The following GNB1L variants were observed in gnomAD, a reference collection of about 807,000 sequenced individuals.
GNB1L encodes G protein subunit beta 1 like.
A neutral mutation model predicts 29.1 loss-of-function variants in GNB1L; 20 were observed. The ratio of observed to expected loss-of-function variants is 0.69; its 90% confidence interval spans 0.48 to 1.00. The LOEUF is 1.00. GNB1L is among the 50% of genes least tolerant of loss of function. The probability of loss-of-function intolerance (pLI) is 0.00; values close to 1 mark genes in which losing one functional copy is unlikely to be tolerated. For synonymous variants in GNB1L, 193 were observed against 206.5 expected (o/e 0.93, Z 0.56); for missense variants, 421 against 464.9 (o/e 0.91, Z 0.87).
At chr22:19,813,900 G>A (rs1346662017) in intron 4 of GNB1L, among the ~76,000 whole-genome samples, 1 of 152,114 alleles carries the variant, frequency 6.6e-6, no homozygotes, top group African/African-American at 2.4e-5. Context: ...GGAGGCTTAG[G>A]TGGGAGGATT....
intron 4 of GNB1L, among the ~76,000 whole-genome samples, chr22:19,815,702 C>T (rs1937521323): frequency 6.6e-6 from 1 of 152,124 alleles, no homozygotes; most frequent in African/African-American, 2.4e-5. Context: ...CCACTTCAGC[C>T]TCCCAAGTAG....
At chr22:19,838,909 G>A (rs1937810586) in intron 2 of GNB1L, among the ~76,000 whole-genome samples, 1 of 152,224 alleles carries the variant, frequency 6.6e-6, no homozygotes, top group African/African-American at 2.4e-5. Context: ...AAACAGAAAT[G>A]TGAAAACTAT....
At chr22:19,835,373 T>TAA (rs34652133) in intron 2 of GNB1L, among the ~76,000 whole-genome samples, 22 of 136,312 alleles carry the variant, frequency 1.6e-4, no homozygotes, top group South Asian at 6.8e-4. Flanking sequence ...CTTAAAAATG[T>TAA]AAAAAAAAAA....
At position 19,806,802 on chromosome 22, in the gene GNB1L, G is replaced by C. The variant is rs1601327723; in HGVS notation, c.418-45C>G. 2.3e-6 allele frequency: 3 copies of C among 1,309,010 alleles called. No homozygotes were observed. The East Asian group carries it at 7.0e-5, about 30-fold the overall frequency. The allele number at this position is 1,309,010 out of a possible 1,614,324, so 81.1% of individuals were successfully genotyped here. A position where few individuals can be genotyped will look rare whatever the true frequency, so the allele number is the denominator to read the frequency against. On this transcript the variant is annotated intron_variant, in intron 5 of 7. Coordinates refer to ENST00000329517, the MANE Select transcript of GNB1L (RefSeq NM_053004.3). ...TTGATTTGGGCCGTCGCCAAGTCGAGTCTGCGCTATACAAACAAGAGACTC... is the reference window on the plus strand; with the variant it reads ...TTGATTTGGGCCGTCGCCAAGTCGACTCTGCGCTATACAAACAAGAGACTC...
intron 2 of GNB1L, among the ~76,000 whole-genome samples, 200 bp from the exon 3 acceptor site, chr22:19,821,575 C>T (rs1005753363): frequency 5.3e-5 from 8 of 152,198 alleles, no homozygotes; most frequent in Admixed American, 1.3e-4. Context: ...CCCTGCACGG[C>T]GGTGAGCCCA....
intron 2 of GNB1L, chr22:19,851,795 G>A: frequency 1.2e-6 from 2 of 1,614,060 alleles, no homozygotes; most frequent in African/African-American, 1.3e-5. Context: ...ATCAAGGTAG[G>A]GGGCTGCCCA....
intron 7 of GNB1L, chr22:19,793,228 T>C: frequency 1.7e-6 from 1 of 596,480 alleles, no homozygotes; most frequent in East Asian, 2.8e-5. Context: ...TAGGAACTCT[T>C]AGCAGAGAAA....
chr22:19,836,305 G>A (rs1937763977), intron 2 of GNB1L, among the ~76,000 whole-genome samples: 1 of 152,076 alleles, frequency 6.6e-6, no homozygotes, highest in Non-Finnish European at 1.5e-5. Flanking sequence ...TGAAATGAAA[G>A]TTGGAAGACA....
At chr22:19,850,339 G>A in intron 2 of GNB1L, 1 of 985,154 alleles carries the variant, frequency 1.0e-6, no homozygotes, top group Non-Finnish European at 1.2e-6. Flanking sequence ...CCAGGAGGGA[G>A]ATCCAAGTCA....
At chr22:19,830,650 C>T (rs1412656809) in intron 2 of GNB1L, among the ~76,000 whole-genome samples, 1 of 152,168 alleles carries the variant, frequency 6.6e-6, no homozygotes, top group African/African-American at 2.4e-5. Context: ...ACAACCCCAA[C>T]GGAAACACCA....
intron 7 of GNB1L, among the ~76,000 whole-genome samples, chr22:19,801,264 C>A (rs1403175811): frequency 1.3e-5 from 2 of 152,198 alleles, no homozygotes; most frequent in Non-Finnish European, 2.9e-5. Flanking sequence ...GTCCACCCCC[C>A]AGAAGCCAGG....
intron 2 of GNB1L, among the ~76,000 whole-genome samples, chr22:19,825,212 G>A (rs141805019): frequency 3.3e-3 from 505 of 152,344 alleles, no homozygotes; most frequent in African/African-American, 0.011. Flanking sequence ...AGCATCCCCC[G>A]AGGAAGCTCC....
In GNB1L at chr22:19,786,407, C is replaced by A. The variant is rs932729404; in HGVS notation, c.*2302G>T. ...CAGGGGCCAACTCAGGGTCTGTACA[C>A]CCTGCCCACAGCTCTTCATGGCCTC... is the stretch of plus-strand genomic sequence containing the variant. On this transcript the variant is annotated 3_prime_UTR_variant, in exon 8 of 8. Coordinates refer to ENST00000329517, the MANE Select transcript of GNB1L (RefSeq NM_053004.3). 1 of 152,198 alleles carries A rather than the reference C, an allele frequency of 6.6e-6. No individual in the cohort carries two copies. The highest frequency in any genetic ancestry group is 1.5e-5 in the Non-Finnish European group (1 of 68,062). 9.4% of individuals were successfully genotyped at this position (152,198 alleles called of 1,614,324 possible).
intron 5 of GNB1L, among the ~76,000 whole-genome samples, chr22:19,810,253 C>A (rs555760963): frequency 6.6e-6 from 1 of 152,126 alleles, no homozygotes; most frequent in Non-Finnish European, 1.5e-5. Flanking sequence ...ACAGCCTACA[C>A]GGCCATACAC....
At chr22:19,806,616 G>A (rs1233143390) in intron 6 of GNB1L, 43 bp downstream of exon 6, 3 of 1,202,936 alleles carry the variant, frequency 2.5e-6, no homozygotes, top group Admixed American at 1.8e-5. Flanking sequence ...TCATGGCCGT[G>A]GGTGTGGCCG....
rs373590723 is a variant in GNB1L, at chr22:19,812,316, G to T, written c.386C>A (p.Thr129Lys). The T allele has an allele frequency of 1.2e-6, 2 of 1,612,978 alleles. No homozygotes were observed. The highest frequency in any genetic ancestry group is 3.3e-5 in the Admixed American group (2 of 59,988). ...GCTGCCCCTCCCTGGCACGGCAAGC[G>T]TCCAGCGTGGCTGGCCCCCGGCCAG... ...SILAGGQPRWTLAVPGRGSDE... is the reference protein window; with the variant it reads ...SILAGGQPRWKLAVPGRGSDE... The change falls in exon 5 of 8, where the codon ACG (threonine) becomes AAG (lysine). Residue 129 changes from threonine to lysine, a missense_variant. Physicochemically the swap from Thr to Lys is moderately conservative, Grantham distance 78. Transcript: ENST00000329517.
chr22:19,809,343 A>G (rs537876528), intron 5 of GNB1L, among the ~76,000 whole-genome samples: 68 of 152,018 alleles, frequency 4.5e-4, no homozygotes, highest in African/African-American at 1.6e-3. Flanking sequence ...CAGCAGCCCA[A>G]CTCCAGGGGA....
chr22:19,797,387 G>C (rs914213035), intron 7 of GNB1L, among the ~76,000 whole-genome samples: 1 of 152,210 alleles, frequency 6.6e-6, no homozygotes, highest in Non-Finnish European at 1.5e-5. Context: ...ACTTTTCCCT[G>C]AGATTCAGGG....
In GNB1L at chr22:19,848,837, C is replaced by A. The variant is rs1938026600; in HGVS notation, c.-21+5606G>T. 10 of 985,336 alleles carry A rather than the reference C, an allele frequency of 1.0e-5. No homozygotes were observed. In the South Asian group the frequency reaches 4.7e-4, roughly 46 times the overall value. 61.0% of individuals were successfully genotyped at this position (985,336 alleles called of 1,614,324 possible). On this transcript the variant is annotated intron_variant, in intron 2 of 7. Coordinates refer to ENST00000329517, the MANE Select transcript of GNB1L (RefSeq NM_053004.3). ...CAATCCCAGGCTGGAGTATCCACTT[C>A]AGGTCCACTAAAGGGAGATGGGGAA... is the stretch of plus-strand genomic sequence containing the variant.
Sources: allele counts gnomAD v4.1 joint callset (sites outside exome capture counted in the v4.1 genomes callset), GRCh38; gene constraint gnomAD v4.1.1; transcripts MANE v1.5; gene names NCBI Gene and HGNC (gene_info 2026-07-23, HGNC 2026-07-21).